Variants in TPTE2 observed in about 807,000 individuals in gnomAD.
TPTE2 encodes the protein phosphatidylinositol 3,4,5-trisphosphate 3-phosphatase TPTE2.
A neutral mutation model predicts 78.6 loss-of-function variants in TPTE2; 53 were observed. The observed-to-expected ratio is 0.67, with a 90% CI of 0.54 to 0.85. The LOEUF (loss-of-function observed/expected upper bound fraction) is 0.85, where lower values mean the gene tolerates loss of function less well. TPTE2 is among the 40% of genes least tolerant of loss of function. TPTE2 has a pLI of 0.00. For missense variants in TPTE2, 461 were observed against 623.0 expected (o/e 0.74, Z 2.77); for synonymous variants, 175 against 206.2 (o/e 0.85, Z 1.30).
chr13:19,542,993 T>G, the TPTE2 span, among the ~76,000 whole-genome samples: 1 of 151,926 alleles, frequency 6.6e-6, no homozygotes, highest in Admixed American at 6.6e-5. Context: ...AAAAAAAAAT[T>G]GTTGCTTTTC....
At chr13:19,560,431 G>A in the TPTE2 span, 4 of 1,608,794 alleles carry the variant, frequency 2.5e-6, no homozygotes, top group Admixed American at 3.3e-5. Context: ...CTCAGCGAAG[G>A]CCAACTCATC....
intron 1 of TPTE2, among the ~76,000 whole-genome samples, chr13:19,531,948 G>A (rs542121645): frequency 6.6e-6 from 1 of 152,214 alleles, no homozygotes; most frequent in African/African-American, 2.4e-5. Flanking sequence ...AAAAAGTAGA[G>A]GATGGGGCAA....
chr13:19,461,933 C>CTTTTTTTT (rs60926599), intron 10 of TPTE2, among the ~76,000 whole-genome samples: 30 of 134,346 alleles, frequency 2.2e-4, no homozygotes, highest in African/African-American at 7.8e-4. Context: ...ACAGTTGGGT[C>CTTTTTTTT]TTTTTTTTTT....
chr13:19,556,530 C>T, the TPTE2 span, among the ~76,000 whole-genome samples: 1 of 152,014 alleles, frequency 6.6e-6, no homozygotes, highest in African/African-American at 2.4e-5. Context: ...GTACAACATT[C>T]TCCCCCCCAC....
intron 1 of TPTE2, among the ~76,000 whole-genome samples, chr13:19,496,088 G>T (rs1299126614): frequency 3.3e-5 from 5 of 152,118 alleles, no homozygotes; most frequent in Non-Finnish European, 7.4e-5. Flanking sequence ...GGCTGGCCTT[G>T]AACTACTGAT....
chr13:19,476,067 T>C (rs1879917966), intron 4 of TPTE2, among the ~76,000 whole-genome samples: 1 of 152,214 alleles, frequency 6.6e-6, no homozygotes, highest in Middle Eastern at 3.4e-3. Context: ...GGAGAGTAAA[T>C]GATGCTCTTG....
At chr13:19,458,698 G>A in intron 10 of TPTE2, 1 of 483,828 alleles carries the variant, frequency 2.1e-6, no homozygotes, top group South Asian at 1.5e-5. Flanking sequence ...AAATTTTCTT[G>A]CCTTTCTCAA....
intron 1 of TPTE2, among the ~76,000 whole-genome samples, chr13:19,534,078 G>A (rs1871054509): frequency 6.6e-6 from 1 of 152,184 alleles, no homozygotes; most frequent in Non-Finnish European, 1.5e-5. Flanking sequence ...TGTAAGTCAA[G>A]TGCCTTTAAT....
chr13:19,560,465 C>T, the TPTE2 span: 3 of 1,603,204 alleles, frequency 1.9e-6, no homozygotes, highest in East Asian at 6.7e-5. Flanking sequence ...GAGCGCTGGG[C>T]CACACCCGGC....
chr13:19,496,904 G>A (rs1178278426), intron 1 of TPTE2, among the ~76,000 whole-genome samples: 4 of 152,174 alleles, frequency 2.6e-5, no homozygotes, highest in African/African-American at 9.6e-5. Context: ...CATCTCACTA[G>A]GGAGTGCCAG....
chr13:19,460,181 G>A (rs1338593197), intron 10 of TPTE2, among the ~76,000 whole-genome samples: 3 of 152,178 alleles, frequency 2.0e-5, no homozygotes, highest in African/African-American at 2.4e-5. Context: ...TATCAGACCC[G>A]CAGCCCTGGT....
At chr13:19,473,050 A>G (rs1244620594) in intron 6 of TPTE2, among the ~76,000 whole-genome samples, 1 of 148,866 alleles carries the variant, frequency 6.7e-6, no homozygotes, top group African/African-American at 2.6e-5. Flanking sequence ...CATTCTCCCA[A>G]ACAAAGAGTC....
chr13:19,503,186 T>C (rs368907483), intron 1 of TPTE2, 38 bp downstream of exon 4: 38 of 1,612,920 alleles, frequency 2.4e-5, no homozygotes, highest in Non-Finnish European at 3.1e-5. Flanking sequence ...TGCTCAGTTA[T>C]AATTAGATAA....
Position 19,462,115 on chromosome 13 carries a change from T to C in TPTE2, c.741+2341A>G, listed in dbSNP as rs143586492. On this transcript the variant is annotated intron_variant, in intron 10 of 19. Transcript: ENST00000400230. ...TTTCTTCACCTATTTTTTTTTAATC[T>C]TTGTGGTTTGGTCATTTTCTGTAGC... is the stretch of plus-strand genomic sequence containing the variant. Among the ~76,000 whole-genome samples, 757 of 152,012 alleles carry C rather than the reference T, an allele frequency of 5.0e-3. 8 individuals carry two copies. The highest frequency in any genetic ancestry group is 0.017 in the African/African-American group (720 of 41,522).
At chr13:19,436,388 C>T (rs1593351344) in intron 14 of TPTE2, 82 bp from the exon 18 acceptor site, 2 of 1,263,440 alleles carry the variant, frequency 1.6e-6, no homozygotes, top group East Asian at 2.4e-5. Context: ...GTTTCTATGC[C>T]CACCTTCTTT....
chr13:19,496,220 T>C lies in TPTE2; in HGVS notation c.12-2719A>G, dbSNP rs548070244. Among the ~76,000 whole-genome samples the C allele has an allele frequency of 9.2e-4, 140 of 152,196 alleles. 1 individual carries two copies. Among genetic ancestry groups the C allele is most frequent in the Non-Finnish European group, 1.6e-3 (111 of 68,040 alleles). The stretch of plus-strand genomic sequence containing the variant: ...CTTACCCTTACAGAAGTCATGTGTG[T>C]ATTTGGTTCTTTGGAATCTGCCATG... On this transcript the variant is annotated intron_variant, in intron 1 of 19. Coordinates refer to ENST00000400230, the Ensembl canonical transcript of TPTE2.
At chr13:19,515,681 G>A (rs1240478990) in intron 1 of TPTE2, among the ~76,000 whole-genome samples, 1 of 152,164 alleles carries the variant, frequency 6.6e-6, no homozygotes, top group Non-Finnish European at 1.5e-5. Flanking sequence ...CTTTTCAGCA[G>A]GATGAATAAT....
intron 13 of TPTE2, among the ~76,000 whole-genome samples, chr13:19,439,258 C>A (rs1349242158): frequency 6.6e-6 from 1 of 152,136 alleles, no homozygotes; most frequent in Non-Finnish European, 1.5e-5. Context: ...TGGCAACAGC[C>A]AGCTCTTACC....
At chr13:19,489,107 T>G (rs1304942490) in intron 3 of TPTE2, among the ~76,000 whole-genome samples, 1 of 152,170 alleles carries the variant, frequency 6.6e-6, no homozygotes, top group Admixed American at 6.5e-5. Flanking sequence ...AACATGTCAT[T>G]GATTAGGCTT....
Sources: gnomAD v4.1 joint callset for allele counts (sites outside exome capture counted in the v4.1 genomes callset) on GRCh38, gnomAD v4.1.1 for gene constraint, MANE v1.5 for transcripts, NCBI Gene and HGNC (gene_info 2026-07-23, HGNC 2026-07-21) for gene names.